The following KTN1 variants were observed in gnomAD, a reference collection of about 807,000 sequenced individuals.
KTN1 encodes the protein kinectin 1, also known as kinectin.
Under a neutral mutation model 222.5 loss-of-function variants are expected in KTN1, and 130 were observed. The observed-to-expected ratio is 0.58, with a 90% CI of 0.51 to 0.68. The LOEUF (loss-of-function observed/expected upper bound fraction) is 0.68, where lower values mean the gene tolerates loss of function less well. Among genes scored for constraint, KTN1 ranks in the 30% least tolerant of loss-of-function variants. The probability of loss-of-function intolerance (pLI) is 0.00; values close to 1 mark genes in which losing one functional copy is unlikely to be tolerated. For synonymous variants in KTN1, 512 were observed against 496.3 expected (o/e 1.03, Z -0.42); for missense variants, 1,508 against 1,500.4 (o/e 1.01, Z -0.08).
chr14:55,624,820 A>T (rs995614690), intron 5 of KTN1, among the ~76,000 whole-genome samples: 2 of 152,212 alleles, frequency 1.3e-5, no homozygotes, highest in Non-Finnish European at 2.9e-5. Context: ...GGAATGATCA[A>T]CAGTAACATG....
At chr14:55,652,774 T>C (rs902944348) in intron 25 of KTN1, 76 bp from the exon 26 acceptor site, 86 of 945,834 alleles carry the variant, frequency 9.1e-5, no homozygotes, top group Non-Finnish European at 1.3e-4. Flanking sequence ...AAATATACTT[T>C]TTTCAGTGTC....
chr14:55,661,783 GT>G (rs537312946), intron 32 of KTN1, 171 bp downstream of exon 32: 1 of 397,024 alleles, frequency 2.5e-6, no homozygotes, highest in East Asian at 3.8e-5. Context: ...TTGGAGAACA[GT>G]TTTTTTTAAA....
chr14:55,639,304 T>C, intron 13 of KTN1, 82 bp downstream of exon 13: 1 of 983,960 alleles, frequency 1.0e-6, no homozygotes. Flanking sequence ...ATGATTAACT[T>C]TATACCTCTG....
At position 55,662,654 on chromosome 14, in the gene KTN1, T is replaced by C. The variant is rs1057259421; in HGVS notation, c.3090+1042T>C. Among the ~76,000 whole-genome samples the C allele has an allele frequency of 7.2e-5, 11 of 152,342 alleles. No individual in the cohort carries two copies. In the South Asian group the frequency reaches 1.9e-3, roughly 26 times the overall value. On this transcript the variant is annotated intron_variant, in intron 32 of 43. Transcript: ENST00000395314. ...GACTTGAGCAAGGATAAAATGTTAC[T>C]GAAATCTAAGGGAGTATTGCTAGTA...
rs1304914295 is a variant in KTN1 at position 55,650,335 on chromosome 14, G to C, written c.2413G>C (p.Glu805Gln). 1 of 1,592,404 alleles carries C rather than the reference G, an allele frequency of 6.3e-7. No homozygotes were observed. Among genetic ancestry groups the C allele is most frequent in the Non-Finnish European group, 8.5e-7 (1 of 1,171,472 alleles). Residue 805 changes from glutamate (E) to glutamine (Q), a missense_variant, in exon 23 of 44, where the codon GAG (glutamate) becomes CAG (glutamine). Physicochemically the swap from Glu to Gln is conservative, Grantham distance 29. Transcript: ENST00000395314. ...LVEELKKVIHEKDGKIKSVEE... is the reference protein window; with the variant it reads ...LVEELKKVIHQKDGKIKSVEE... Reference sequence around the variant, plus strand: ...TGCATTTCTTTATTGAAGGATCCATGAGAAAGATGGAAAGATCAAGTCTGT... The same window carrying C: ...TGCATTTCTTTATTGAAGGATCCATCAGAAAGATGGAAAGATCAAGTCTGT...
chr14:55,640,836 T>G (rs368120638), intron 15 of KTN1, 97 bp from the exon 16 acceptor site: 18 of 979,560 alleles, frequency 1.8e-5, no homozygotes, highest in East Asian at 7.7e-5. Context: ...TTCAAATATA[T>G]GGAAATACAG....
Position 55,664,053 on chromosome 14 carries a change from A to G in KTN1, c.3177+12A>G, listed in dbSNP as rs765793239. 3.8e-6 allele frequency: 6 copies of G among 1,569,302 alleles called. No homozygotes were observed. Among genetic ancestry groups the G allele is most frequent in the South Asian group, 1.1e-5 (1 of 88,724 alleles). On this transcript the variant is annotated intron_variant, in intron 33 of 43. Coordinates refer to ENST00000395314, the MANE Select transcript of KTN1 (RefSeq NM_001079521.2). Reference sequence around the variant, plus strand: ...ACAAGACTTCCAAGGTTGTAATGCTAACTCCTAGAAACAATCCACTGAACA... The same window carrying G: ...ACAAGACTTCCAAGGTTGTAATGCTGACTCCTAGAAACAATCCACTGAACA...
In KTN1 at chr14:55,668,153, A is replaced by G. The variant is rs562008398; in HGVS notation, c.3267+823A>G. 2.0e-5 allele frequency: 3 copies of G among 152,230 alleles called. No homozygotes were observed. The South Asian group carries it at 6.2e-4, about 32-fold the overall frequency. The allele number at this position is 152,230 out of a possible 1,614,324, so 9.4% of individuals were successfully genotyped here. ...TAAGCATTTCTTTTTAAAAAGTGTG[A>G]TATTACACTTAAAAATACATTCTTA... On this transcript the variant is annotated intron_variant, in intron 34 of 43. Transcript: ENST00000395314.
intron 25 of KTN1, 98 bp from the exon 26 acceptor site, chr14:55,652,752 G>T (rs2043072522): frequency 1.3e-6 from 1 of 741,700 alleles, no homozygotes; most frequent in Admixed American, 2.8e-5. Context: ...GCTGGTCTGT[G>T]AGTACTACCC....
intron 37 of KTN1, chr14:55,672,292 C>G (rs1388362236): frequency 2.1e-5 from 5 of 241,484 alleles, no homozygotes; most frequent in Non-Finnish European, 3.9e-5. Flanking sequence ...ATAAAGAGTA[C>G]CATTACTCAC....
At chr14:55,646,460 TTTTCCTTTCCTTTCCTTTCCTTTCC>T (rs765506023) in intron 18 of KTN1, among the ~76,000 whole-genome samples, 631 of 48,844 alleles carry the variant, frequency 0.013, 17 homozygotes, top group African/African-American at 0.044. Context: ...TTCCTTTTCC[TTTTCCTTTCCTTTCCTTTCCTTTCC>T]TTTCCTTTCC....
chr14:55,678,143 AT>A (rs1566860711), intron 41 of KTN1, among the ~76,000 whole-genome samples: 1 of 152,224 alleles, frequency 6.6e-6, no homozygotes, highest in East Asian at 1.9e-4. Flanking sequence ...ATTTCTTTGT[AT>A]AGTTTCTGCA....
chr14:55,649,421 T>TA (rs1187339546), intron 21 of KTN1, among the ~76,000 whole-genome samples: 1 of 152,192 alleles, frequency 6.6e-6, no homozygotes, highest in Non-Finnish European at 1.5e-5. Context: ...ACTAGAGTGA[T>TA]AAAAAGGTTC....
chr14:55,643,924 A>G (rs1304452143), intron 18 of KTN1, among the ~76,000 whole-genome samples: 1 of 152,206 alleles, frequency 6.6e-6, no homozygotes, highest in Admixed American at 6.5e-5. Context: ...GTTATGAAGA[A>G]TAATTCACAG....
At position 55,608,039 on chromosome 14, in the gene KTN1, G is replaced by A. The variant is rs143813651; in HGVS notation, c.-30-3980G>A. Among the ~76,000 whole-genome samples the A allele has an allele frequency of 2.6e-5, 4 of 152,316 alleles. No individual in the cohort carries two copies. In the East Asian group the frequency reaches 7.7e-4, roughly 29 times the overall value. Reference sequence around the variant, plus strand: ...CCATGTTTTTCAACTCAACAAACATGTATTGAATTGTATACTGTGGACTTA... The same window carrying A: ...CCATGTTTTTCAACTCAACAAACATATATTGAATTGTATACTGTGGACTTA... On this transcript the variant is annotated intron_variant, in intron 1 of 43. Coordinates refer to ENST00000395314, the MANE Select transcript of KTN1 (RefSeq NM_001079521.2).
intron 13 of KTN1, 91 bp downstream of exon 13, chr14:55,639,313 TGAC>T (rs3059147): frequency 0.27 from 232,716 of 849,836 alleles, 34,256 homozygotes; most frequent in Middle Eastern, 0.35. Flanking sequence ...TTTATACCTC[TGAC>T]GACCTGTTCA....
chr14:55,646,845 A>T, intron 18 of KTN1, 128 bp from the exon 19 acceptor site: 1 of 637,836 alleles, frequency 1.6e-6, no homozygotes, highest in South Asian at 1.7e-5. Flanking sequence ...TCTTCAGATA[A>T]GTTATTGTCC....
intron 10 of KTN1, 21 bp downstream of exon 10, chr14:55,636,557 T>C (rs1428734068): frequency 6.5e-7 from 1 of 1,549,430 alleles, no homozygotes; most frequent in Non-Finnish European, 8.8e-7. Context: ...GAAGTATTCA[T>C]GTAAACTTTG....
At chr14:55,658,423 C>A in intron 29 of KTN1, 123 bp from the exon 30 acceptor site, 1 of 658,894 alleles carries the variant, frequency 1.5e-6, no homozygotes, top group Non-Finnish European at 2.7e-6. Flanking sequence ...CTTATTACAC[C>A]CTTTAAAATT....
Sources: gnomAD v4.1 joint callset for allele counts (sites outside exome capture counted in the v4.1 genomes callset) on GRCh38, gnomAD v4.1.1 for gene constraint, MANE v1.5 for transcripts, NCBI Gene and HGNC (gene_info 2026-07-23, HGNC 2026-07-21) for gene names.